Variants in KAZN observed in about 807,000 individuals in gnomAD.
KAZN encodes the protein kazrin.
KAZN carries 40 observed loss-of-function variants against 87.4 expected under a neutral mutation model. The ratio of observed to expected loss-of-function variants is 0.46; its 90% confidence interval spans 0.36 to 0.60. The LOEUF (loss-of-function observed/expected upper bound fraction) is 0.60, where lower values mean the gene tolerates loss of function less well. Among genes scored for constraint, KAZN ranks in the 20% least tolerant of loss-of-function variants. The probability of loss-of-function intolerance (pLI) is 0.00; values close to 1 mark genes in which losing one functional copy is unlikely to be tolerated. For missense variants in KAZN, 898 were observed against 1,073.9 expected (o/e 0.84, Z 2.29); for synonymous variants, 466 against 458.3 (o/e 1.02, Z -0.22).
chr1:14,006,611 T>G (rs1265594236), intron 1 of KAZN, among the ~76,000 whole-genome samples: 1 of 152,228 alleles, frequency 6.6e-6, no homozygotes, highest in Non-Finnish European at 1.5e-5. Flanking sequence ...CTTTCTCCAG[T>G]GTGTCTTCTT....
At chr1:15,028,335 C>T (rs1337256173) in intron 2 of KAZN, among the ~76,000 whole-genome samples, 3 of 152,296 alleles carry the variant, frequency 2.0e-5, no homozygotes, top group Non-Finnish European at 1.5e-5. Context: ...ATAGGACCCG[C>T]GTGGGTGAGG....
At position 15,094,106 on chromosome 1, in the gene KAZN, C is replaced by T. The variant is rs970641291; in HGVS notation, c.1223-74C>T. On this transcript the variant is annotated intron_variant, in intron 8 of 14. Coordinates refer to ENST00000376030, the MANE Select transcript of KAZN (RefSeq NM_201628.3). This position sits in a 1 kb window ranked among gnomAD's most constrained non-coding sequence, Gnocchi z 4.5. The stretch of plus-strand genomic sequence containing the variant: ...GATGTCCCCACCACCCTCTGCCTCC[C>T]GGGGGTATGGCCTGCCCAGCCCCTG... 24 of 1,381,174 alleles carry T rather than the reference C, an allele frequency of 1.7e-5. No individual in the cohort carries two copies. Among genetic ancestry groups the T allele is most frequent in the Admixed American group, 5.5e-5 (3 of 54,718 alleles). 85.6% of individuals were successfully genotyped at this position (1,381,174 alleles called of 1,614,324 possible). A position where few individuals can be genotyped will look rare whatever the true frequency, so the allele number is the denominator to read the frequency against.
intron 2 of KAZN, among the ~76,000 whole-genome samples, chr1:14,542,375 C>T (rs1020037590): frequency 8.6e-5 from 13 of 151,648 alleles, no homozygotes; most frequent in Admixed American, 8.5e-4. Context: ...AGCACACCAA[C>T]ATGGCACATG....
At chr1:14,849,684 T>C (rs181550448) in intron 1 of KAZN, among the ~76,000 whole-genome samples, 29 of 152,362 alleles carry the variant, frequency 1.9e-4, no homozygotes, top group Admixed American at 1.5e-3. Flanking sequence ...ATTTAAGAGC[T>C]TGCGCTTTCT....
intron 2 of KAZN, among the ~76,000 whole-genome samples, chr1:14,488,547 C>T (rs1046728085): frequency 5.9e-5 from 9 of 152,164 alleles, no homozygotes; most frequent in African/African-American, 2.2e-4. Flanking sequence ...ATAGTGGCAA[C>T]CTCATAGGCT....
chr1:14,702,296 T>G (rs1641965568), intron 1 of KAZN, among the ~76,000 whole-genome samples: 1 of 149,350 alleles, frequency 6.7e-6, no homozygotes, highest in African/African-American at 2.5e-5. Context: ...GGCTCTAGGG[T>G]TTCTGGAAAA....
intron 2 of KAZN, among the ~76,000 whole-genome samples, chr1:14,523,372 G>A (rs1335301082): frequency 6.6e-6 from 1 of 152,132 alleles, no homozygotes; most frequent in African/African-American, 2.4e-5. Context: ...AGGCCAGAAA[G>A]GGAGCTGTCC....
chr1:14,407,578 C>A (rs1295495704), intron 2 of KAZN, among the ~76,000 whole-genome samples: 1 of 152,120 alleles, frequency 6.6e-6, no homozygotes, highest in African/African-American at 2.4e-5. Flanking sequence ...TGGGGTCAAG[C>A]CTCTCCCTGT....
chr1:14,146,822 G>A (rs927226322), intron 1 of KAZN, among the ~76,000 whole-genome samples: 1 of 151,490 alleles, frequency 6.6e-6, no homozygotes, highest in Non-Finnish European at 1.5e-5. Flanking sequence ...CTTATCCTCA[G>A]TCATCTTCAA....
At chr1:14,971,671 TTTTCTTTTTC>T (rs1456920384) in intron 2 of KAZN, among the ~76,000 whole-genome samples, 39 of 146,144 alleles carry the variant, frequency 2.7e-4, no homozygotes, top group African/African-American at 1.0e-3. Flanking sequence ...GTTTTTTTTT[TTTTCTTTTTC>T]TTTTTTTTTT....
chr1:14,713,448 GTTTAC>G (rs916191475), intron 1 of KAZN, among the ~76,000 whole-genome samples: 26 of 152,134 alleles, frequency 1.7e-4, no homozygotes, highest in African/African-American at 5.6e-4. Flanking sequence ...TGCCTGGTTA[GTTTAC>G]TTTAACTCAA....
At chr1:14,096,064 C>T (rs1415998299) in intron 1 of KAZN, among the ~76,000 whole-genome samples, 1 of 152,154 alleles carries the variant, frequency 6.6e-6, no homozygotes, top group Non-Finnish European at 1.5e-5. Flanking sequence ...TCATATGGCT[C>T]AGTCTACTAC....
At chr1:14,107,254 T>C (rs1263598303) in intron 1 of KAZN, among the ~76,000 whole-genome samples, 2 of 151,676 alleles carry the variant, frequency 1.3e-5, no homozygotes, top group Admixed American at 6.6e-5. Context: ...ACCCCTGTCA[T>C]CTTAATTCAG....
chr1:14,265,655 G>A (rs1571178418), intron 2 of KAZN, among the ~76,000 whole-genome samples: 1 of 152,108 alleles, frequency 6.6e-6, no homozygotes, highest in Non-Finnish European at 1.5e-5. Context: ...AACCCTCAGT[G>A]TGGAAATTTT....
At chr1:14,631,961 A>T (rs1435016787) in intron 1 of KAZN, among the ~76,000 whole-genome samples, 1 of 152,234 alleles carries the variant, frequency 6.6e-6, no homozygotes, top group Non-Finnish European at 1.5e-5. Context: ...TTTTGATTGG[A>T]TTTAGAAGTT....
At chr1:14,916,179 T>C (rs1465077274) in intron 1 of KAZN, among the ~76,000 whole-genome samples, 4 of 146,706 alleles carry the variant, frequency 2.7e-5, no homozygotes, top group African/African-American at 1.0e-4. Flanking sequence ...TCTTTTTTTT[T>C]TTTTTTTTTT....
chr1:14,411,104 G>C (rs1016280720), intron 2 of KAZN, among the ~76,000 whole-genome samples: 2 of 152,230 alleles, frequency 1.3e-5, no homozygotes, highest in Non-Finnish European at 2.9e-5. Context: ...AGTGAAACGG[G>C]AGAATGCCAA....
intron 8 of KAZN, among the ~76,000 whole-genome samples, chr1:15,092,025 G>A (rs1640554197): frequency 6.8e-6 from 1 of 147,078 alleles, no homozygotes. Context: ...TTGAATTTCA[G>A]CAGGGTCATT....
chr1:14,956,664 G>A (rs1165972294), intron 1 of KAZN, among the ~76,000 whole-genome samples: 1 of 152,062 alleles, frequency 6.6e-6, no homozygotes, highest in Non-Finnish European at 1.5e-5. Flanking sequence ...TGTGACAATG[G>A]ACATACTGTT....
Sources: allele counts gnomAD v4.1 joint callset (sites outside exome capture counted in the v4.1 genomes callset), GRCh38; gene constraint gnomAD v4.1.1; non-coding constraint Gnocchi (gnomAD v3.1); transcripts MANE v1.5; gene names NCBI Gene and HGNC (gene_info 2026-07-23, HGNC 2026-07-21).